The following EPHA5 variants were observed in gnomAD, a reference collection of about 807,000 sequenced individuals.
EPHA5 encodes ephrin type-A receptor 5.
Under a neutral mutation model 105.0 loss-of-function variants are expected in EPHA5, and 60 were observed. That is an observed-to-expected ratio of 0.57 (90% CI 0.46 to 0.71). The LOEUF (loss-of-function observed/expected upper bound fraction) is 0.71. Ranked by LOEUF, EPHA5 falls within the 30% of genes least tolerant of loss-of-function variation. The probability of loss-of-function intolerance (pLI) is 0.00; values close to 1 mark genes in which losing one functional copy is unlikely to be tolerated. For missense variants in EPHA5, 1,218 were observed against 1,274.7 expected (o/e 0.96, Z 0.68); for synonymous variants, 513 against 449.1 (o/e 1.14, Z -1.80).
intron 14 of EPHA5, among the ~76,000 whole-genome samples, chr4:65,338,908 A>T (rs1721438188): frequency 6.6e-6 from 1 of 152,078 alleles, no homozygotes; most frequent in African/African-American, 2.4e-5. Flanking sequence ...GTAACATATA[A>T]CCAAATGAGT....
intron 7 of EPHA5, among the ~76,000 whole-genome samples, chr4:65,408,025 GT>G (rs1722534414): frequency 6.6e-6 from 1 of 151,966 alleles, no homozygotes; most frequent in African/African-American, 2.4e-5. Flanking sequence ...ATAACCTCAG[GT>G]TTTAATTACT....
intron 8 of EPHA5, among the ~76,000 whole-genome samples, chr4:65,403,244 G>T (rs1229475998): frequency 6.6e-6 from 1 of 152,022 alleles, no homozygotes; most frequent in African/African-American, 2.4e-5. Context: ...AATCTTTTCA[G>T]AGCACAATAT....
chr4:65,605,690 G>T, intron 2 of EPHA5, among the ~76,000 whole-genome samples: 1 of 151,922 alleles, frequency 6.6e-6, no homozygotes, highest in Non-Finnish European at 1.5e-5. Context: ...AGGTGCAACA[G>T]TAAGAAACTT....
In EPHA5 at chr4:65,414,295, G is replaced by A; in HGVS notation, c.1676C>T (p.Thr559Ile). 1 of 1,613,820 alleles carries A rather than the reference G, an allele frequency of 6.2e-7. No homozygotes were observed. The highest frequency in any genetic ancestry group is 8.5e-7 in the Non-Finnish European group (1 of 1,179,816). ...TTAAAATGACTTACACACTGGGGTG[G>A]TTTCAAACTCAAATCTTCGACTGAA... is the stretch of plus-strand genomic sequence containing the variant. ...GVFSRRFEFE[T>I]TPVSVAASSD... Residue 559 changes from threonine to isoleucine, a missense_variant, in exon 7 of 17, where the codon ACC (threonine) becomes ATC (isoleucine). This residue lies in a region of EPHA5 where 971 missense variants were observed against 1,013.5 expected (regional missense o/e 0.96). Transcript: ENST00000613740.
intron 5 of EPHA5, among the ~76,000 whole-genome samples, chr4:65,428,015 A>G (rs1040559062): frequency 1.3e-5 from 2 of 152,132 alleles, no homozygotes; most frequent in African/African-American, 2.4e-5. Context: ...ATATACATAT[A>G]TACACACATC....
chr4:65,333,924 C>T (rs1430472530), intron 15 of EPHA5, among the ~76,000 whole-genome samples: 1 of 151,702 alleles, frequency 6.6e-6, no homozygotes, highest in Admixed American at 6.6e-5. Flanking sequence ...CACCTCTTCC[C>T]TGTCCTCATT....
At position 65,667,186 on chromosome 4, in the gene EPHA5, A is replaced by G. The variant is rs144544100; in HGVS notation, c.181+2376T>C. ...TCTAAAAAAGCCCAAACATTTTATG[A>G]ATATTTTAGCATAAATAAATATTTT... On this transcript the variant is annotated intron_variant, in intron 1 of 16. Transcript: ENST00000613740. 2.6e-5 allele frequency among the ~76,000 whole-genome samples: 4 copies of G among 152,328 alleles called. No individual in the cohort carries two copies. In the East Asian group the frequency reaches 7.7e-4, roughly 29 times the overall value.
intron 5 of EPHA5, among the ~76,000 whole-genome samples, chr4:65,458,041 T>C (rs1045812231): frequency 9.0e-6 from 1 of 111,580 alleles, no homozygotes; most frequent in Non-Finnish European, 1.6e-5. Flanking sequence ...ACCACTGCAC[T>C]CCAGCCTGGG....
chr4:65,356,442 G>A (rs944609369), intron 11 of EPHA5, among the ~76,000 whole-genome samples: 2 of 151,472 alleles, frequency 1.3e-5, no homozygotes, highest in African/African-American at 2.4e-5. Context: ...TAAAGAGAAT[G>A]TGCTGATCAG....
chr4:65,634,794 T>C (rs1454069540), intron 2 of EPHA5, among the ~76,000 whole-genome samples: 1 of 152,100 alleles, frequency 6.6e-6, no homozygotes, highest in Non-Finnish European at 1.5e-5. Flanking sequence ...AGCCCCTTCA[T>C]GCTCAGTGTG....
intron 13 of EPHA5, among the ~76,000 whole-genome samples, chr4:65,350,725 C>T (rs548325280): frequency 6.6e-6 from 1 of 152,084 alleles, no homozygotes; most frequent in Admixed American, 6.6e-5. Flanking sequence ...ATACAGCAAG[C>T]AATTACTTTC....
chr4:65,662,471 T>G (rs1749633117), intron 1 of EPHA5, among the ~76,000 whole-genome samples: 1 of 152,096 alleles, frequency 6.6e-6, no homozygotes, highest in South Asian at 2.1e-4. Flanking sequence ...TAATTAGAAT[T>G]ATCACAGACA....
At chr4:65,631,349 T>C (rs958963489) in intron 2 of EPHA5, among the ~76,000 whole-genome samples, 13 of 152,192 alleles carry the variant, frequency 8.5e-5, no homozygotes, top group Admixed American at 4.6e-4. Flanking sequence ...TGACTTTTGG[T>C]AAAACCATTC....
chr4:65,631,768 A>T (rs1746658383), intron 2 of EPHA5, among the ~76,000 whole-genome samples: 1 of 151,686 alleles, frequency 6.6e-6, no homozygotes, highest in Admixed American at 6.6e-5. Context: ...GAGATTAATA[A>T]GACTATATTA....
chr4:65,478,109 A>C (rs1730007869), intron 5 of EPHA5, among the ~76,000 whole-genome samples: 1 of 152,222 alleles, frequency 6.6e-6, no homozygotes, highest in Non-Finnish European at 1.5e-5. Flanking sequence ...GCACAAGGTA[A>C]CAAGCACAGA....
intron 8 of EPHA5, among the ~76,000 whole-genome samples, chr4:65,392,583 G>A (rs1209588697): frequency 6.6e-6 from 1 of 152,042 alleles, no homozygotes; most frequent in Non-Finnish European, 1.5e-5. Flanking sequence ...GTATAAGCAT[G>A]TCCAGATGTC....
At chr4:65,451,292 T>A (rs1727041607) in intron 5 of EPHA5, among the ~76,000 whole-genome samples, 1 of 152,146 alleles carries the variant, frequency 6.6e-6, no homozygotes, top group Non-Finnish European at 1.5e-5. Flanking sequence ...TTTTCAAGTA[T>A]CTTCAAATAA....
chr4:65,395,967 A>G (rs1721190248), intron 8 of EPHA5, among the ~76,000 whole-genome samples: 1 of 151,920 alleles, frequency 6.6e-6, no homozygotes, highest in Non-Finnish European at 1.5e-5. Flanking sequence ...ATGGATGGAA[A>G]CCCACCCCCT....
At position 65,670,059 on chromosome 4, in the gene EPHA5, T is replaced by A; in HGVS notation, c.-317A>T. On this transcript the variant is annotated 5_prime_UTR_variant, in exon 1 of 17. Coordinates refer to ENST00000613740, the MANE Select transcript of EPHA5 (RefSeq NM_001281766.3). ...TTCCTTTGCCTTTCAAAAAGACTTT[T>A]TACGGATTGAGAATTTTTAAATACC... 2.9e-6 allele frequency: 1 copy of A among 347,308 alleles called. No homozygotes were observed. Among genetic ancestry groups the A allele is most frequent in the Non-Finnish European group, 5.1e-6 (1 of 194,704 alleles). The allele number at this position is 347,308 out of a possible 1,614,324, so 21.5% of individuals were successfully genotyped here.
Sources: gnomAD v4.1 joint callset for allele counts (sites outside exome capture counted in the v4.1 genomes callset) on GRCh38, gnomAD v4.1.1 for gene constraint, gnomAD v4.1.1 regional missense constraint, MANE v1.5 for transcripts, NCBI Gene and HGNC (gene_info 2026-07-23, HGNC 2026-07-21) for gene names.